The following RFTN1 variants were observed in gnomAD, a reference collection of about 807,000 sequenced individuals.
RFTN1 encodes raftlin.
A neutral mutation model predicts 46.5 loss-of-function variants in RFTN1; 26 were observed. The observed-to-expected ratio is 0.56, with a 90% CI of 0.41 to 0.78. RFTN1 has a LOEUF of 0.78. Among genes scored for constraint, RFTN1 ranks in the 30% least tolerant of loss-of-function variants. The pLI is 0.00. For missense variants in RFTN1, 693 were observed against 718.7 expected (o/e 0.96, Z 0.41); for synonymous variants, 261 against 284.2 (o/e 0.92, Z 0.82).
chr3:16,482,111 C>T (rs902281625), intron 2 of RFTN1, among the ~76,000 whole-genome samples: 1 of 152,142 alleles, frequency 6.6e-6, no homozygotes, highest in African/African-American at 2.4e-5. Flanking sequence ...GGCAGCATGA[C>T]CCTTAATGTG....
Position 16,500,417 on chromosome 3 carries a change from A to C in RFTN1, c.-8-6540T>G, listed in dbSNP as rs761461665. Among the ~76,000 whole-genome samples, 1 of 152,234 alleles carries C rather than the reference A, an allele frequency of 6.6e-6. No individual in the cohort carries two copies. Among genetic ancestry groups the C allele is most frequent in the South Asian group, 2.1e-4 (1 of 4,828 alleles). On this transcript the variant is annotated intron_variant, in intron 1 of 9. Transcript: ENST00000334133. This position sits in a 1 kb window ranked among gnomAD's most constrained non-coding sequence, Gnocchi z 5.9. ...AGGTACCAAGAAAAACTTTCCAAGA[A>C]GTCTTCAAAGGTAGAGGAAATGGAA...
In RFTN1 at chr3:16,466,302, T is replaced by TG. The variant is rs2076090593; in HGVS notation, c.145+27422dup. Among the ~76,000 whole-genome samples, 1 of 152,080 alleles carries TG rather than the reference T, an allele frequency of 6.6e-6. No individual in the cohort carries two copies. Among genetic ancestry groups the TG allele is most frequent in the African/African-American group, 2.4e-5 (1 of 41,414 alleles). On this transcript the variant is annotated intron_variant, in intron 2 of 9. Coordinates refer to ENST00000334133, the MANE Select transcript of RFTN1 (RefSeq NM_015150.2). The surrounding 1 kb of genome is among the most constrained non-coding windows in gnomAD (Gnocchi z 5.6). The stretch of plus-strand genomic sequence containing the variant: ...CTGCATTCCTATTCAGGGATTTACG[T>TG]GGGAAAAAAAGAAATCAGTGTTTTA...
In RFTN1 at chr3:16,410,937, G is replaced by T. The variant is rs2074970557; in HGVS notation, c.333-1454C>A. On this transcript the variant is annotated intron_variant, in intron 3 of 9. Transcript: ENST00000334133. This position sits in a 1 kb window ranked among gnomAD's most constrained non-coding sequence, Gnocchi z 4.6. ...AAATTGAAGAGGATTCCTTGGCCCA[G>T]CCAGGCATAAGGCAACAAGAGTGGT... Among the ~76,000 whole-genome samples the T allele has an allele frequency of 6.6e-6, 1 of 152,242 alleles. No individual in the cohort carries two copies. Among genetic ancestry groups the T allele is most frequent in the Non-Finnish European group, 1.5e-5 (1 of 68,050 alleles).
chr3:16,455,051 G>C (rs890287136), intron 2 of RFTN1, among the ~76,000 whole-genome samples: 2 of 152,148 alleles, frequency 1.3e-5, no homozygotes, highest in African/African-American at 4.8e-5. Context: ...AAAACAGGCT[G>C]ATAAATGAGG....
At chr3:16,444,931 C>A (rs889968190) in intron 2 of RFTN1, among the ~76,000 whole-genome samples, 8 of 152,232 alleles carry the variant, frequency 5.3e-5, no homozygotes, top group Middle Eastern at 6.8e-3. Flanking sequence ...ACATTTATTT[C>A]CATGTTTAGT....
intron 4 of RFTN1, among the ~76,000 whole-genome samples, chr3:16,408,290 C>T (rs1041283655): frequency 6.6e-6 from 1 of 152,192 alleles, no homozygotes; most frequent in African/African-American, 2.4e-5. Context: ...CCCCTTGCTC[C>T]TCAGCCCCGG....
chr3:16,450,920 T>C lies in RFTN1; in HGVS notation c.146-16883A>G, dbSNP rs1361300565. ...GGTGACTTTCACCACTTGGTTTTGG[T>C]CCTGTTGACTACAGAGGGCCTCTGT... On this transcript the variant is annotated intron_variant, in intron 2 of 9. Coordinates refer to ENST00000334133, the MANE Select transcript of RFTN1 (RefSeq NM_015150.2). The surrounding 1 kb of genome is among the most constrained non-coding windows in gnomAD (Gnocchi z 4.6). Among the ~76,000 whole-genome samples the C allele has an allele frequency of 2.0e-5, 3 of 152,162 alleles. No homozygotes were observed. The highest frequency in any genetic ancestry group is 2.0e-4 in the Admixed American group (3 of 15,274).
chr3:16,493,018 C>T (rs986351053), intron 2 of RFTN1, among the ~76,000 whole-genome samples: 4 of 152,310 alleles, frequency 2.6e-5, no homozygotes, highest in Admixed American at 2.0e-4. Flanking sequence ...AAGCCAAGCC[C>T]AGATGAATGA....
At chr3:16,397,893 A>T in intron 4 of RFTN1, among the ~76,000 whole-genome samples, 1 of 152,160 alleles carries the variant, frequency 6.6e-6, no homozygotes. Flanking sequence ...GAAGAATGCC[A>T]AGTTAAACCA....
intron 4 of RFTN1, among the ~76,000 whole-genome samples, chr3:16,394,898 C>A (rs1171580549): frequency 6.6e-6 from 1 of 151,988 alleles, no homozygotes; most frequent in East Asian, 1.9e-4. Flanking sequence ...TTTAAAAGTG[C>A]TGAATCCCAA....
At position 16,442,341 on chromosome 3, in the gene RFTN1, G is replaced by A. The variant is rs2075642885; in HGVS notation, c.146-8304C>T. ...ATGAAACATTTTCATCACCCCCAAA[G>A]GAAACTCCATGTCCATTAAGCAGTT... On this transcript the variant is annotated intron_variant, in intron 2 of 9. Transcript: ENST00000334133. The surrounding 1 kb of genome is among the most constrained non-coding windows in gnomAD (Gnocchi z 4.1). Among the ~76,000 whole-genome samples the A allele has an allele frequency of 6.6e-6, 1 of 151,846 alleles. No homozygotes were observed. The highest frequency in any genetic ancestry group is 1.5e-5 in the Non-Finnish European group (1 of 67,946).
intron 7 of RFTN1, among the ~76,000 whole-genome samples, chr3:16,354,308 C>T (rs529084808): frequency 1.3e-5 from 2 of 152,334 alleles, no homozygotes; most frequent in Non-Finnish European, 2.9e-5. Context: ...GTTGTTTCCA[C>T]CAGCTGCAAA....
rs564097114 is a variant in RFTN1, at chr3:16,377,806, A to C, written c.738T>G (p.Gly246=). The change falls in exon 5 of 10, where the codon GGT becomes GGG. Residue 246 remains glycine (G), a synonymous_variant. Coordinates refer to ENST00000334133, the MANE Select transcript of RFTN1 (RefSeq NM_015150.2). ...TCACCCCCTGTGGTGAAAGTTCTCC[A>C]CCATCTCCCTCTCCGGAGGGTGAGC... is the stretch of plus-strand genomic sequence containing the variant. The part of the protein sequence containing the change: ...QPSSPSGEGD[G]GELSPQGVSK... 13 of 1,613,768 alleles carry C rather than the reference A, an allele frequency of 8.1e-6. No homozygotes were observed. The highest frequency in any genetic ancestry group is 8.5e-6 in the Non-Finnish European group (10 of 1,179,960).
In RFTN1 at chr3:16,499,546, A is replaced by C. The variant is rs1338297546; in HGVS notation, c.-8-5669T>G. Among the ~76,000 whole-genome samples, 1 of 152,228 alleles carries C rather than the reference A, an allele frequency of 6.6e-6. No individual in the cohort carries two copies. The highest frequency in any genetic ancestry group is 1.5e-5 in the Non-Finnish European group (1 of 68,038). On this transcript the variant is annotated intron_variant, in intron 1 of 9. Transcript: ENST00000334133. This position sits in a 1 kb window ranked among gnomAD's most constrained non-coding sequence, Gnocchi z 4.9. The stretch of plus-strand genomic sequence containing the variant: ...AGCTTCTGCCTCAGTCAAGCTGCTG[A>C]TGCCATGTTAAGCAAAGACAAGCTG...
intron 4 of RFTN1, among the ~76,000 whole-genome samples, chr3:16,392,885 A>C (rs1005156886): frequency 2.6e-5 from 4 of 152,092 alleles, no homozygotes; most frequent in Non-Finnish European, 4.4e-5. Context: ...AAAAAAAGAA[A>C]ATGTGTGAGT....
chr3:16,322,659 C>A lies in RFTN1; in HGVS notation c.1332+717G>T, dbSNP rs754625803. The stretch of plus-strand genomic sequence containing the variant: ...AGGGTGGGGTGGGAAGCATCAGAAT[C>A]ATCTGGCACAAGGGTTGCCGACACT... On this transcript the variant is annotated intron_variant, in intron 9 of 9. Transcript: ENST00000334133. The surrounding 1 kb of genome is among the most constrained non-coding windows in gnomAD (Gnocchi z 6.2). 2.6e-5 allele frequency among the ~76,000 whole-genome samples: 4 copies of A among 152,220 alleles called. No individual in the cohort carries two copies. The highest frequency in any genetic ancestry group is 5.9e-5 in the Non-Finnish European group (4 of 68,046).
At position 16,341,736 on chromosome 3, in the gene RFTN1, T is replaced by A. The variant is rs2071332017; in HGVS notation, c.1147-14860A>T. On this transcript the variant is annotated intron_variant, in intron 7 of 9. Coordinates refer to ENST00000334133, the MANE Select transcript of RFTN1 (RefSeq NM_015150.2). The surrounding 1 kb of genome is among the most constrained non-coding windows in gnomAD (Gnocchi z 4.7). Reference sequence around the variant, plus strand: ...CCAATGGAAAACTAATTAAATAAATTAAAATTTTTCATAGATTGAAGTACT... The same window carrying A: ...CCAATGGAAAACTAATTAAATAAATAAAAATTTTTCATAGATTGAAGTACT... Among the ~76,000 whole-genome samples, 1 of 152,128 alleles carries A rather than the reference T, an allele frequency of 6.6e-6. No homozygotes were observed. Among genetic ancestry groups the A allele is most frequent in the African/African-American group, 2.4e-5 (1 of 41,446 alleles).
Position 16,411,580 on chromosome 3 carries a change from A to G in RFTN1, c.333-2097T>C, listed in dbSNP as rs567193728. Among the ~76,000 whole-genome samples the G allele has an allele frequency of 5.3e-5, 8 of 152,332 alleles. No homozygotes were observed. In the South Asian group the frequency reaches 8.3e-4, roughly 16 times the overall value. On this transcript the variant is annotated intron_variant, in intron 3 of 9. Coordinates refer to ENST00000334133, the MANE Select transcript of RFTN1 (RefSeq NM_015150.2). ...TCTGAACCCTAACCTTTTTGCCTTA[A>G]TACTTGGTCAGAGACTAGACTCATG...
chr3:16,509,016 A>G lies in RFTN1; in HGVS notation c.-9+4426T>C, dbSNP rs1389955509. On this transcript the variant is annotated intron_variant, in intron 1 of 9. Transcript: ENST00000334133. The surrounding 1 kb of genome is among the most constrained non-coding windows in gnomAD (Gnocchi z 4.9). ...TTTTCTTTTAATTCATTACATTTAA[A>G]TGTAAATAGCCACATGTAACTAGTG... Among the ~76,000 whole-genome samples, 1 of 152,238 alleles carries G rather than the reference A, an allele frequency of 6.6e-6. No homozygotes were observed. The highest frequency in any genetic ancestry group is 1.9e-4 in the East Asian group (1 of 5,208).
Sources: allele counts gnomAD v4.1 joint callset (sites outside exome capture counted in the v4.1 genomes callset), GRCh38; gene constraint gnomAD v4.1.1; non-coding constraint Gnocchi (gnomAD v3.1); transcripts MANE v1.5; gene names NCBI Gene and HGNC (gene_info 2026-07-23, HGNC 2026-07-21).